Variants in PPEF1 observed in about 807,000 individuals in gnomAD.
PPEF1 encodes the protein protein phosphatase with EF-hand domain 1.
PPEF1 carries 12 observed loss-of-function variants against 53.3 expected under a neutral mutation model. The ratio of observed to expected loss-of-function variants is 0.23; its 90% CI spans 0.14 to 0.36. The LOEUF is 0.36. PPEF1 is among the 10% of genes least tolerant of loss of function. PPEF1 has a pLI of 1.00. For synonymous variants in PPEF1, 165 were observed against 176.7 expected (o/e 0.93, Z 0.52); for missense variants, 334 against 490.4 (o/e 0.68, Z 3.01).
upstream of PPEF1, among the ~76,000 whole-genome samples, chrX:18,702,656 T>A (rs988644804): frequency 1.8e-5 from 2 of 109,144 alleles, no homozygotes; most frequent in Non-Finnish European, 3.8e-5. Context: ...GCATTGGAAG[T>A]GAAAGATTAG....
chrX:18,700,238 G>GGGGT (rs1422665796), intron 5 of PPEF1: 3 of 72,821 alleles, frequency 4.1e-5, no homozygotes, highest in African/African-American at 1.8e-4. Context: ...TCTGCAGAGT[G>GGGGT]GGGTGTGTGT....
chrX:18,770,705 G>A (rs1338732382), intron 6 of PPEF1, among the ~76,000 whole-genome samples: 2 of 112,051 alleles, frequency 1.8e-5, no homozygotes, highest in Non-Finnish European at 3.8e-5. Flanking sequence ...AGACATCACA[G>A]AGGTAGCAAA....
At chrX:18,788,179 T>C (rs185593290) in intron 9 of PPEF1, among the ~76,000 whole-genome samples, 255 of 107,347 alleles carry the variant, frequency 2.4e-3, no homozygotes, top group African/African-American at 8.3e-3. Flanking sequence ...TAGCCGGGCG[T>C]GGTGGCGGGC....
chrX:18,734,862 A>G (rs1159542392), intron 3 of PPEF1, among the ~76,000 whole-genome samples: 1 of 111,691 alleles, frequency 9.0e-6, no homozygotes, highest in Non-Finnish European at 1.9e-5. Flanking sequence ...TTTGATTTGC[A>G]TTTCTCTGAT....
chrX:18,790,364 A>G (rs1482416042), intron 10 of PPEF1, among the ~76,000 whole-genome samples: 1 of 111,746 alleles, frequency 8.9e-6, no homozygotes, highest in Non-Finnish European at 1.9e-5. Context: ...TTTATCAGGT[A>G]TATTATTTGC....
chrX:18,780,518 A>G (rs1461785474), intron 7 of PPEF1, among the ~76,000 whole-genome samples: 1 of 112,391 alleles, frequency 8.9e-6, no homozygotes, highest in African/African-American at 3.2e-5. Flanking sequence ...TCCAAGAACA[A>G]CACAATGTCA....
chrX:18,781,768 G>T, intron 7 of PPEF1, among the ~76,000 whole-genome samples: 1 of 111,146 alleles, frequency 9.0e-6, no homozygotes, highest in East Asian at 2.8e-4. Flanking sequence ...GCAAGGAAAG[G>T]TAACAGAAAT....
Position 18,825,742 on chromosome X carries a change from T to G in PPEF1, c.1666-9T>G. ...ATATGTTCTAACACTTAGAAAATCT[T>G]TATTTTAGGCTCATTCTACTCTAGT... On this transcript the variant is annotated splice_polypyrimidine_tract_variant and intron_variant, in intron 14 of 15. Transcript: ENST00000470157. 8.6e-7 allele frequency: 1 copy of G among 1,156,480 alleles called. No individual in the cohort carries two copies. Among genetic ancestry groups the G allele is most frequent in the Non-Finnish European group, 1.2e-6 (1 of 861,993 alleles).
At chrX:18,778,594 C>A (rs936317286) in intron 6 of PPEF1, among the ~76,000 whole-genome samples, 2 of 111,367 alleles carry the variant, frequency 1.8e-5, no homozygotes, top group Admixed American at 1.9e-4. Context: ...CCCCAAGGAG[C>A]TGACCATAGG....
At chrX:18,722,795 A>T (rs191522280) in intron 1 of PPEF1, among the ~76,000 whole-genome samples, 87 of 110,957 alleles carry the variant, frequency 7.8e-4, no homozygotes, top group African/African-American at 2.7e-3. Context: ...TGGAGAAAAA[A>T]TAAGGAAGGA....
intron 3 of PPEF1, among the ~76,000 whole-genome samples, chrX:18,746,953 A>G (rs934824665): frequency 2.7e-5 from 3 of 111,611 alleles, no homozygotes; most frequent in Non-Finnish European, 5.6e-5. Context: ...ACACATGTGT[A>G]AGGTGCTTAG....
chrX:18,787,621 A>G (rs1360359997), intron 9 of PPEF1, among the ~76,000 whole-genome samples: 1 of 110,061 alleles, frequency 9.1e-6, no homozygotes, highest in African/African-American at 3.3e-5. Context: ...TGAGCTCATC[A>G]GAAATGAGTT....
rs1235567062 is a variant in PPEF1 at position 18,780,980 on chromosome X, C to T, written c.726-1386C>T. On this transcript the variant is annotated intron_variant, in intron 7 of 15. Coordinates refer to ENST00000470157, the MANE Select transcript of PPEF1 (RefSeq NM_001377996.1). ...CTGAGGCAGGAGAATGGCGTGAACC[C>T]GGGAGGCAGAGCTTGCAGTGAGCTG... Among the ~76,000 whole-genome samples the T allele has an allele frequency of 4.7e-5, 5 of 105,457 alleles. No homozygotes were observed. In the East Asian group the frequency reaches 1.2e-3, roughly 25 times the overall value. 91.6% of individuals were successfully genotyped at this position (105,457 alleles called of 115,157 possible).
intron 4 of PPEF1, among the ~76,000 whole-genome samples, chrX:18,692,002 GTCTC>G: frequency 9.0e-6 from 1 of 111,580 alleles, no homozygotes. Context: ...TCTCTTTAAT[GTCTC>G]TATTCCCCAG....
chrX:18,814,779 C>T (rs1038302034), intron 12 of PPEF1, among the ~76,000 whole-genome samples: 4 of 111,868 alleles, frequency 3.6e-5, no homozygotes, highest in African/African-American at 1.3e-4. Context: ...GATTTCCTCC[C>T]AATCTTTAGG....
At chrX:18,778,515 T>G (rs764196247) in intron 6 of PPEF1, among the ~76,000 whole-genome samples, 1 of 111,023 alleles carries the variant, frequency 9.0e-6, no homozygotes, top group South Asian at 3.9e-4. Flanking sequence ...TACTTTCATT[T>G]CCATTCTCCC....
chrX:18,800,224 A>T (rs1388080229), intron 10 of PPEF1, among the ~76,000 whole-genome samples: 3 of 111,600 alleles, frequency 2.7e-5, no homozygotes. Flanking sequence ...TCATATGTGC[A>T]TTGAATTTAT....
intron 4 of PPEF1, among the ~76,000 whole-genome samples, chrX:18,692,866 T>A (rs895557319): frequency 1.8e-5 from 2 of 111,655 alleles, no homozygotes; most frequent in African/African-American, 6.5e-5. Flanking sequence ...TAAGATGCAT[T>A]TTTTTTTCAC....
At chrX:18,776,556 C>T (rs188486558) in intron 6 of PPEF1, among the ~76,000 whole-genome samples, 11 of 111,476 alleles carry the variant, frequency 9.9e-5, no homozygotes, top group African/African-American at 2.6e-4. Context: ...TTTTGATGAA[C>T]GATAGCCTGT....
Sources: allele counts gnomAD v4.1 joint callset (sites outside exome capture counted in the v4.1 genomes callset), GRCh38; gene constraint gnomAD v4.1.1; transcripts MANE v1.5; gene names NCBI Gene and HGNC (gene_info 2026-07-23, HGNC 2026-07-21).